Variants in HS3ST2 observed in about 807,000 individuals in gnomAD.
The protein encoded by HS3ST2 is heparan sulfate glucosamine 3-O-sulfotransferase 2.
Under a neutral mutation model 26.3 loss-of-function variants are expected in HS3ST2, and 17 were observed. The ratio of observed to expected loss-of-function variants is 0.65; its 90% CI spans 0.44 to 0.97. The LOEUF is 0.97. Ranked by LOEUF, HS3ST2 falls within the 50% of genes least tolerant of loss-of-function variation. The pLI, the probability that HS3ST2 is intolerant of heterozygous loss-of-function variation, is 0.00. For missense variants in HS3ST2, 402 were observed against 501.2 expected, an observed-to-expected ratio of 0.80 and a Z score of 1.89; for synonymous variants, 237 against 219.2, an observed-to-expected ratio of 1.08 and a Z score of -0.72.
intron 1 of HS3ST2, among the ~76,000 whole-genome samples, chr16:22,869,516 A>ACAT (rs1901802669): frequency 4.6e-5 from 7 of 152,214 alleles, no homozygotes; most frequent in Non-Finnish European, 1.0e-4. Context: ...ATGGACTTAC[A>ACAT]GTTCCACATG....
At chr16:22,827,800 C>T (rs1034088999) in intron 1 of HS3ST2, among the ~76,000 whole-genome samples, 1 of 150,420 alleles carries the variant, frequency 6.6e-6, no homozygotes, top group Non-Finnish European at 1.5e-5. Flanking sequence ...TAGTCTTGAC[C>T]CTCCAGGCTC....
At chr16:22,874,356 G>A (rs1181983993) in intron 1 of HS3ST2, among the ~76,000 whole-genome samples, 1 of 152,184 alleles carries the variant, frequency 6.6e-6, no homozygotes, top group African/African-American at 2.4e-5. Flanking sequence ...AGTTCAGAAG[G>A]TGAGATTTCC....
At chr16:22,864,902 A>AAAAAAAAAAC (rs1901728758) in intron 1 of HS3ST2, among the ~76,000 whole-genome samples, 1 of 149,370 alleles carries the variant, frequency 6.7e-6, no homozygotes, top group African/African-American at 2.5e-5. Context: ...AAAAAAAAAA[A>AAAAAAAAAAC]TAGCCGGGCA....
intron 1 of HS3ST2, among the ~76,000 whole-genome samples, chr16:22,901,190 G>A (rs1902278301): frequency 6.6e-6 from 1 of 152,156 alleles, no homozygotes; most frequent in East Asian, 1.9e-4. Flanking sequence ...GCCAGGAAAA[G>A]GAAAAGCTGG....
intron 1 of HS3ST2, among the ~76,000 whole-genome samples, chr16:22,862,483 G>A (rs763254275): frequency 7.2e-5 from 11 of 152,130 alleles, no homozygotes; most frequent in Non-Finnish European, 1.5e-4. Context: ...ACACATTTCT[G>A]TTACCTGCCC....
Position 22,826,026 on chromosome 16 carries a change from G to GA in HS3ST2, c.485+10940dup, listed in dbSNP as rs113174460. Among the ~76,000 whole-genome samples, 783 of 151,028 alleles carry GA rather than the reference G, an allele frequency of 5.2e-3. 8 individuals are homozygous for GA. Among genetic ancestry groups the GA allele is most frequent in the African/African-American group, 0.016 (667 of 41,216 alleles). ...CAAAAAGAGCAAAACTCCATCTCAG[G>GA]AAAAAAAAATGTTGTTTCAGATCAC... On this transcript the variant is annotated intron_variant, in intron 1 of 1. Transcript: ENST00000261374.
chr16:22,878,950 A>T (rs1901953810), intron 1 of HS3ST2, among the ~76,000 whole-genome samples: 2 of 152,230 alleles, frequency 1.3e-5, no homozygotes, highest in Admixed American at 1.3e-4. Context: ...AAGTCAGAGA[A>T]GTTAGGGGAA....
At chr16:22,914,203 G>A (rs189212567) in intron 1 of HS3ST2, among the ~76,000 whole-genome samples, 80 of 150,962 alleles carry the variant, frequency 5.3e-4, no homozygotes, top group Non-Finnish European at 7.2e-4. Flanking sequence ...CTCACCTCAA[G>A]TTTCCTCCCT....
intron 1 of HS3ST2, among the ~76,000 whole-genome samples, chr16:22,865,303 CCAA>C (rs1031766244): frequency 7.2e-5 from 11 of 151,896 alleles, no homozygotes; most frequent in African/African-American, 2.7e-4. Context: ...GCCTGTAATC[CCAA>C]CACTTTGGGA....
In HS3ST2 at chr16:22,855,348, G is replaced by A. The variant is rs555521700; in HGVS notation, c.485+40253G>A. Among the ~76,000 whole-genome samples, 12 of 152,242 alleles carry A rather than the reference G, an allele frequency of 7.9e-5. 1 individual carries two copies. In the South Asian group the frequency reaches 2.3e-3, roughly 29 times the overall value. ...AGCATCCTTGGGGACACAGAAGGAG[G>A]GTGAGGCCACAGATAATCCCAGCCC... On this transcript the variant is annotated intron_variant, in intron 1 of 1. Coordinates refer to ENST00000261374, the MANE Select transcript of HS3ST2 (RefSeq NM_006043.2).
At chr16:22,858,304 C>A (rs1245922716) in intron 1 of HS3ST2, among the ~76,000 whole-genome samples, 1 of 149,282 alleles carries the variant, frequency 6.7e-6, no homozygotes, top group Non-Finnish European at 1.5e-5. Context: ...CTCATATAAC[C>A]CATAAATATA....
At position 22,814,936 on chromosome 16, in the gene HS3ST2, T is replaced by C; in HGVS notation, c.326T>C (p.Leu109Pro). 11 of 1,608,752 alleles carry C rather than the reference T, an allele frequency of 6.8e-6. No individual in the cohort carries two copies. Among genetic ancestry groups the C allele is most frequent in the South Asian group, 2.2e-5 (2 of 90,084 alleles). Residue 109 changes from leucine (L) to proline (P), a missense_variant, in exon 1 of 2, where the codon CTG (leucine) becomes CCG (proline). By Grantham distance (98) the Leu-to-Pro change is moderately conservative. Coordinates refer to ENST00000261374, the MANE Select transcript of HS3ST2 (RefSeq NM_006043.2). ...TCCAACCACTCCGGCTCACCCAAGC[T>C]GGGTACCAAGCGGTTGCCCCAAGCC... ...SGSNHSGSPK[L>P]GTKRLPQALI...
chr16:22,877,622 G>T (rs1187040474), intron 1 of HS3ST2, among the ~76,000 whole-genome samples: 1 of 152,190 alleles, frequency 6.6e-6, no homozygotes, highest in African/African-American at 2.4e-5. Flanking sequence ...TATCAGCTTG[G>T]ATTTCATCCC....
intron 1 of HS3ST2, among the ~76,000 whole-genome samples, chr16:22,818,454 C>G (rs971406133): frequency 1.3e-5 from 2 of 152,118 alleles, no homozygotes; most frequent in South Asian, 2.1e-4. Context: ...AGTAATGTTA[C>G]TACTGTTATT....
chr16:22,892,112 A>G (rs1441032782), intron 1 of HS3ST2, among the ~76,000 whole-genome samples: 28 of 40,326 alleles, frequency 6.9e-4, no homozygotes, highest in South Asian at 1.6e-3. Flanking sequence ...ATCTCTACTA[A>G]AAAAAAAAAA....
intron 1 of HS3ST2, among the ~76,000 whole-genome samples, chr16:22,898,300 A>C (rs1449995025): frequency 1.3e-5 from 2 of 152,196 alleles, no homozygotes; most frequent in African/African-American, 4.8e-5. Context: ...TGAGGAAATA[A>C]GCCAAATAAA....
chr16:22,832,432 G>A (rs957826897), intron 1 of HS3ST2, among the ~76,000 whole-genome samples: 1 of 151,910 alleles, frequency 6.6e-6, no homozygotes, highest in African/African-American at 2.4e-5. Context: ...TCACATTTTG[G>A]GGGTTCACAA....
intron 1 of HS3ST2, among the ~76,000 whole-genome samples, chr16:22,878,203 G>GC (rs1362902784): frequency 6.6e-6 from 1 of 152,178 alleles, no homozygotes; most frequent in Non-Finnish European, 1.5e-5. Context: ...CATTCATGTA[G>GC]CCCCTTAGTG....
intron 1 of HS3ST2, among the ~76,000 whole-genome samples, chr16:22,863,004 G>A (rs994164519): frequency 3.3e-5 from 5 of 152,162 alleles, no homozygotes; most frequent in Non-Finnish European, 7.4e-5. Flanking sequence ...CAGGGGTTAG[G>A]ACCCGCTGGG....
Sources: allele counts gnomAD v4.1 joint callset (sites outside exome capture counted in the v4.1 genomes callset), GRCh38; gene constraint gnomAD v4.1.1; transcripts MANE v1.5; gene names NCBI Gene and HGNC (gene_info 2026-07-23, HGNC 2026-07-21).